The following SNX25 variants were observed in gnomAD, a reference collection of about 807,000 sequenced individuals.
SNX25 encodes sorting nexin-25.
In SNX25, 62 loss-of-function variants were observed where a neutral mutation model predicts 113.7. The ratio of observed to expected loss-of-function variants is 0.55; its 90% CI spans 0.44 to 0.67. SNX25 has a LOEUF of 0.67. Ranked by LOEUF, SNX25 falls within the 30% of genes least tolerant of loss-of-function variation. SNX25 has a pLI of 0.00. For missense variants in SNX25, 1,014 were observed against 1,161.0 expected (o/e 0.87, Z 1.84); for synonymous variants, 421 against 436.2 (o/e 0.97, Z 0.43).
upstream of SNX25, among the ~76,000 whole-genome samples, chr4:185,205,882 G>A (rs1307258116): frequency 6.6e-6 from 1 of 152,110 alleles, no homozygotes; most frequent in Non-Finnish European, 1.5e-5. Context: ...GACTTGAGTA[G>A]ATATTTCTCC....
At chr4:185,239,679 C>A (rs1231119599) in intron 1 of SNX25, among the ~76,000 whole-genome samples, 1 of 136,574 alleles carries the variant, frequency 7.3e-6, no homozygotes, top group East Asian at 2.3e-4. Flanking sequence ...TTTTTTAAAT[C>A]TTTTTTATGC....
chr4:185,264,559 G>T lies in SNX25; in HGVS notation c.853G>T (p.Val285Leu). 6.2e-7 allele frequency: 1 copy of T among 1,614,054 alleles called. No homozygotes were observed. Among genetic ancestry groups the T allele is most frequent in the Non-Finnish European group, 8.5e-7 (1 of 1,179,954 alleles). ...GTTTTGTCTCCTCCCCTCAAAGGAT[G>T]TGCAGTCTCTCAGCTTACGTATAAT... ...LVFCLLPSKDVQSLSLRIMLA... is the reference protein window; with the variant it reads ...LVFCLLPSKDLQSLSLRIMLA... The change falls in exon 4 of 19, where the codon GTG (valine) becomes TTG (leucine). Residue 285 changes from valine (V) to leucine (L), a missense_variant. By Grantham distance (32) the Val-to-Leu change is conservative. Coordinates refer to ENST00000652585, the MANE Select transcript of SNX25 (RefSeq NM_001378034.2).
intron 1 of SNX25, among the ~76,000 whole-genome samples, chr4:185,240,306 CCGGG>C (rs1743556552): frequency 6.6e-6 from 1 of 152,084 alleles, no homozygotes; most frequent in East Asian, 1.9e-4. Context: ...GGGGTGGTGG[CCGGG>C]CAGAGGGGCT....
At chr4:185,291,361 C>T (rs999403320) in intron 6 of SNX25, among the ~76,000 whole-genome samples, 1 of 152,168 alleles carries the variant, frequency 6.6e-6, no homozygotes, top group African/African-American at 2.4e-5. Flanking sequence ...AATAGCTCCA[C>T]TCTCCCCACT....
chr4:185,318,639 G>T (rs73027790), intron 7 of SNX25, among the ~76,000 whole-genome samples: 1 of 152,036 alleles, frequency 6.6e-6, no homozygotes, highest in African/African-American at 2.4e-5. Context: ...AAACAAAAAC[G>T]TGAAACTATT....
intron 9 of SNX25, among the ~76,000 whole-genome samples, chr4:185,330,910 C>T (rs892490412): frequency 1.1e-4 from 16 of 151,998 alleles, no homozygotes; most frequent in Non-Finnish European, 1.9e-4. Context: ...TCTATGTTAT[C>T]TCTGTACTTC....
At chr4:185,365,014 G>GTGTA (rs1038519474), downstream of SNX25, 1 of 130,510 alleles carries the variant, frequency 7.7e-6, no homozygotes, top group Non-Finnish European at 1.6e-5. Context: ...GTGTGTGTGT[G>GTGTA]TGTATGTGTG....
chr4:185,363,462 T>G lies in SNX25; in HGVS notation c.3012T>G (p.Val1004=). 6.2e-7 allele frequency: 1 copy of G among 1,613,888 alleles called. No individual in the cohort carries two copies. Among genetic ancestry groups the G allele is most frequent in the African/African-American group, 1.3e-5 (1 of 75,024 alleles). ...VHLDQLKAGQ[V] ...TAGATCAACTTAAAGCTGGCCAAGTTTGAGACTACACAAATAAACCACCAG... is the reference window on the plus strand; with the variant it reads ...TAGATCAACTTAAAGCTGGCCAAGTGTGAGACTACACAAATAAACCACCAG... Residue 1004 remains valine (V), a synonymous_variant, in exon 19 of 19, where the codon GTT becomes GTG. Coordinates refer to ENST00000652585, the MANE Select transcript of SNX25 (RefSeq NM_001378034.2). This position sits in a 1 kb window ranked among gnomAD's most constrained non-coding sequence, Gnocchi z 4.2.
chr4:185,254,103 A>G (rs2126507306), intron 2 of SNX25, among the ~76,000 whole-genome samples: 1 of 152,260 alleles, frequency 6.6e-6, no homozygotes, highest in South Asian at 2.1e-4. Context: ...CAGAGGAAGC[A>G]AGGCTCGCAT....
chr4:185,247,232 T>TG (rs111728282), intron 1 of SNX25, 62 bp from the exon 2 acceptor site: 3 of 1,110,790 alleles, frequency 2.7e-6, no homozygotes, highest in Non-Finnish European at 2.6e-6. Context: ...CCTTTGATTT[T>TG]TTTTTTTTAT....
rs1389327440 is a variant in SNX25 at position 185,362,588 on chromosome 4, A to G, written c.2834-23A>G. The stretch of plus-strand genomic sequence containing the variant: ...CTGAGCACTTTATCAATAGCAGCAT[A>G]GAATCTACACTTAATTTTTCAGATA... On this transcript the variant is annotated intron_variant, in intron 17 of 18. Transcript: ENST00000652585. The G allele has an allele frequency of 3.7e-6, 6 of 1,606,378 alleles. No individual in the cohort carries two copies. In the Admixed American group the frequency reaches 5.0e-5, roughly 13 times the overall value.
chr4:185,371,885 G>A (rs569409335), downstream of SNX25, among the ~76,000 whole-genome samples: 31 of 152,148 alleles, frequency 2.0e-4, no homozygotes, highest in Middle Eastern at 3.4e-3. Context: ...GGCTCGGAGA[G>A]GGGGGAGACC....
At chr4:185,358,280 GTCTAT>G (rs1204065036) in intron 16 of SNX25, among the ~76,000 whole-genome samples, 1 of 152,164 alleles carries the variant, frequency 6.6e-6, no homozygotes. Flanking sequence ...CAAGCCATAT[GTCTAT>G]TCTAAACTAT....
At chr4:185,239,151 A>G (rs1024076684) in intron 1 of SNX25, among the ~76,000 whole-genome samples, 1 of 152,184 alleles carries the variant, frequency 6.6e-6, no homozygotes, top group Non-Finnish European at 1.5e-5. Context: ...TAAAACGTAC[A>G]TGCTTTTTCA....
chr4:185,239,293 C>G (rs963990094), intron 1 of SNX25, among the ~76,000 whole-genome samples: 5 of 151,770 alleles, frequency 3.3e-5, no homozygotes, highest in Non-Finnish European at 7.4e-5. Flanking sequence ...ACCATCCTGG[C>G]CAACACGGTG....
At chr4:185,212,491 G>GTTTTTGTTTTTTTTTTTTTT (rs59085661) in intron 1 of SNX25, among the ~76,000 whole-genome samples, 2 of 104,944 alleles carry the variant, frequency 1.9e-5, no homozygotes, top group Non-Finnish European at 1.9e-5. Context: ...GTGTGTGTGT[G>GTTTTTGTTTTTTTTTTTTTT]TTTTTTTTTT....
At chr4:185,378,476 G>A in the SNX25 span, 1 of 1,173,718 alleles carries the variant, frequency 8.5e-7, no homozygotes, top group South Asian at 2.5e-5. Flanking sequence ...CTGGCTATGG[G>A]TTTATACATC....
intron 8 of SNX25, among the ~76,000 whole-genome samples, chr4:185,322,462 T>C (rs550132574): frequency 2.0e-5 from 3 of 152,268 alleles, no homozygotes; most frequent in South Asian, 2.1e-4. Flanking sequence ...CAAGAGCATA[T>C]TGTACACTGA....
intron 10 of SNX25, 135 bp from the exon 11 acceptor site, chr4:185,339,244 T>C (rs2095247909): frequency 4.2e-6 from 3 of 706,322 alleles, no homozygotes; most frequent in Non-Finnish European, 6.5e-6. Context: ...TTTCTTAATT[T>C]TGTTTTTGGA....
Sources: allele counts gnomAD v4.1 joint callset (sites outside exome capture counted in the v4.1 genomes callset), GRCh38; gene constraint gnomAD v4.1.1; non-coding constraint Gnocchi (gnomAD v3.1); transcripts MANE v1.5; gene names NCBI Gene and HGNC (gene_info 2026-07-23, HGNC 2026-07-21).